Variants in PRKDC observed in about 807,000 individuals in gnomAD.
PRKDC encodes the protein protein kinase, DNA-activated, catalytic subunit.
In PRKDC, 82 loss-of-function variants were observed where a neutral mutation model predicts 486.9. The observed-to-expected ratio is 0.17, with a 90% CI of 0.14 to 0.20. The LOEUF is 0.20. PRKDC is among the 10% of genes least tolerant of loss of function. PRKDC has a pLI of 1.00. For missense variants in PRKDC, 4,504 were observed against 5,038.2 expected, an observed-to-expected ratio of 0.89 and a Z score of 3.21; for synonymous variants, 1,895 against 1,837.0, an observed-to-expected ratio of 1.03 and a Z score of -0.81.
chr8:47,898,385 C>T, intron 29 of PRKDC, 85 bp downstream of exon 29: 2 of 1,114,510 alleles, frequency 1.8e-6, no homozygotes, highest in Non-Finnish European at 2.6e-6. Context: ...TATACTTCCA[C>T]AGATCCATCC....
chr8:47,843,885 T>A (rs1426832632), intron 54 of PRKDC, among the ~76,000 whole-genome samples: 2 of 152,288 alleles, frequency 1.3e-5, no homozygotes, highest in African/African-American at 4.8e-5. Flanking sequence ...TTGTAAGAGG[T>A]CCTTAAGGGA....
chr8:47,843,174 A>C (rs943124828), intron 54 of PRKDC, among the ~76,000 whole-genome samples: 6 of 152,186 alleles, frequency 3.9e-5, no homozygotes, highest in African/African-American at 1.4e-4. Flanking sequence ...GTCGAAAACA[A>C]AACAAAGGAA....
At chr8:47,786,694 G>C (rs1277476156) in intron 76 of PRKDC, among the ~76,000 whole-genome samples, 2 of 146,456 alleles carry the variant, frequency 1.4e-5, no homozygotes, top group African/African-American at 2.5e-5. Flanking sequence ...ATTATTTTGG[G>C]TAATAAACCA....
intron 37 of PRKDC, 122 bp from the exon 38 acceptor site, chr8:47,881,642 T>A (rs540399728): frequency 7.3e-5 from 47 of 647,200 alleles, no homozygotes; most frequent in Middle Eastern, 5.4e-4. Context: ...GCTTCAATAA[T>A]ATTTTCACAA....
chr8:47,813,652 C>G (rs147629383), intron 68 of PRKDC, among the ~76,000 whole-genome samples: 1 of 151,736 alleles, frequency 6.6e-6, no homozygotes, highest in Non-Finnish European at 1.5e-5. Context: ...CTTGCCTCAC[C>G]GCAACCTCTG....
At chr8:47,788,819 A>C in intron 76 of PRKDC, 87 bp downstream of exon 76, 1 of 1,237,792 alleles carries the variant, frequency 8.1e-7, no homozygotes. Flanking sequence ...GATTACATTT[A>C]ATACAAATAT....
chr8:47,905,916 G>C (rs945945613), intron 25 of PRKDC, among the ~76,000 whole-genome samples: 2 of 152,184 alleles, frequency 1.3e-5, no homozygotes, highest in Non-Finnish European at 2.9e-5. Context: ...CAGAGCTCCT[G>C]TCTTCCTGGA....
At chr8:47,856,228 GT>G (rs929802429) in intron 49 of PRKDC, among the ~76,000 whole-genome samples, 1 of 152,018 alleles carries the variant, frequency 6.6e-6, no homozygotes, top group Non-Finnish European at 1.5e-5. Flanking sequence ...TGGTGGGGGG[GT>G]GGTGGTGGAG....
chr8:47,951,149 T>C (rs1160704900), intron 7 of PRKDC, among the ~76,000 whole-genome samples: 1 of 151,182 alleles, frequency 6.6e-6, no homozygotes, highest in Non-Finnish European at 1.5e-5. Context: ...TGGGCAGATC[T>C]CTTGGTTGGA....
At chr8:47,932,344 A>G (rs960712070) in intron 16 of PRKDC, among the ~76,000 whole-genome samples, 2 of 152,028 alleles carry the variant, frequency 1.3e-5, no homozygotes, top group Middle Eastern at 3.2e-3. Context: ...CGGCCTCCCA[A>G]AGTGCTGGGA....
At chr8:47,833,518 C>G (rs577223115) in intron 59 of PRKDC, among the ~76,000 whole-genome samples, 1 of 152,056 alleles carries the variant, frequency 6.6e-6, no homozygotes, top group Non-Finnish European at 1.5e-5. Context: ...GGTCCTGGTG[C>G]CTGCCTCCAG....
chr8:47,907,332 G>T (rs1477212774), intron 25 of PRKDC, among the ~76,000 whole-genome samples: 1 of 147,608 alleles, frequency 6.8e-6, no homozygotes, highest in Admixed American at 8.3e-5. Context: ...GAGCCACCGC[G>T]CCTGGCCAAG....
chr8:47,829,313 A>T (rs2087810414), intron 61 of PRKDC, among the ~76,000 whole-genome samples: 1 of 152,188 alleles, frequency 6.6e-6, no homozygotes. Flanking sequence ...ATGTTTTATG[A>T]ACAAATTACA....
intron 7 of PRKDC, among the ~76,000 whole-genome samples, chr8:47,947,057 C>CT (rs2090545078): frequency 6.6e-6 from 1 of 152,202 alleles, no homozygotes; most frequent in South Asian, 2.1e-4. Context: ...CCATCTCACC[C>CT]TGGCCCACTT....
rs1042167734 is a variant in PRKDC, at chr8:47,942,328, C to T, written c.966+881G>A. 2.2e-4 allele frequency among the ~76,000 whole-genome samples: 33 copies of T among 152,098 alleles called. 1 individual carries two copies. Among genetic ancestry groups the T allele is most frequent in the Admixed American group, 1.6e-3 (25 of 15,278 alleles). ...GACTTCAGGGGGAACACAAGTCTGA[C>T]GGGAAGGCCAAGTACAGCAGGGAGA... On this transcript the variant is annotated intron_variant, in intron 10 of 85. Transcript: ENST00000314191.
At chr8:47,804,316 T>C (rs1002040997) in intron 69 of PRKDC, among the ~76,000 whole-genome samples, 3 of 150,858 alleles carry the variant, frequency 2.0e-5, no homozygotes, top group Non-Finnish European at 3.0e-5. Context: ...TTTTTTTTTT[T>C]GAGATGGAGT....
chr8:47,876,013 A>T (rs1413049976), intron 40 of PRKDC, among the ~76,000 whole-genome samples: 2 of 152,256 alleles, frequency 1.3e-5, no homozygotes, highest in Non-Finnish European at 1.5e-5. Context: ...AAGAGATCAC[A>T]TATTGTATGA....
Position 47,887,721 on chromosome 8 carries a change from C to G in PRKDC, c.4414-16G>C, listed in dbSNP as rs564737459. 1.3e-6 allele frequency: 2 copies of G among 1,588,272 alleles called. No individual in the cohort carries two copies. Among genetic ancestry groups the G allele is most frequent in the African/African-American group, 1.3e-5 (1 of 74,104 alleles). ...AATCTGTGGACTAAAAGGAAGCCAA[C>G]ACTGAAATGCCTAGCAAAAAGATAT... On this transcript the variant is annotated splice_polypyrimidine_tract_variant and intron_variant, in intron 34 of 85. Coordinates refer to ENST00000314191, the MANE Select transcript of PRKDC (RefSeq NM_006904.7).
rs548363359 is a variant in PRKDC, at chr8:47,822,683, G to A, written c.8923-891C>T. On this transcript the variant is annotated intron_variant, in intron 64 of 85. Coordinates refer to ENST00000314191, the MANE Select transcript of PRKDC (RefSeq NM_006904.7). ...CGGGCACCTGTAGTCCCAGCTACTC[G>A]GGAGGCTGAGGCAGGAGAATGGCGT... Among the ~76,000 whole-genome samples, 597 of 152,086 alleles carry A rather than the reference G, an allele frequency of 3.9e-3. 3 individuals carry two copies. Among genetic ancestry groups the A allele is most frequent in the African/African-American group, 0.012 (500 of 41,488 alleles).
Sources: allele counts gnomAD v4.1 joint callset (sites outside exome capture counted in the v4.1 genomes callset), GRCh38; gene constraint gnomAD v4.1.1; transcripts MANE v1.5; gene names NCBI Gene and HGNC (gene_info 2026-07-23, HGNC 2026-07-21).